The following IRX1 variants were observed in gnomAD, a reference collection of about 807,000 sequenced individuals.
IRX1 encodes iroquois homeobox 1.
A neutral mutation model predicts 34.1 loss-of-function variants in IRX1; 22 were observed. The observed-to-expected ratio is 0.64, with a 90% CI of 0.46 to 0.92. The LOEUF is 0.92. Among genes scored for constraint, IRX1 ranks in the 40% least tolerant of loss-of-function variants. IRX1 has a pLI of 0.00. For missense variants in IRX1, 758 were observed against 680.0 expected, an observed-to-expected ratio of 1.11 and a Z score of -1.28; for synonymous variants, 363 against 319.0, an observed-to-expected ratio of 1.14 and a Z score of -1.47.
Position 3,596,353 on chromosome 5 carries a change from C to A in IRX1, c.248C>A (p.Ala83Asp). Reference protein sequence around the residue: ...APNYSAFLPYAADLSLFSQMG... With the variant: ...APNYSAFLPYDADLSLFSQMG... ...AACTACAGCGCCTTCCTGCCCTACG[C>A]CGCGGATCTCAGCCTCTTCTCGCAG... The change falls in exon 1 of 4, where the codon GCC (alanine) becomes GAC (aspartate). Residue 83 changes from alanine to aspartate, a missense_variant. This residue lies in a region of IRX1 where 195 missense variants were observed against 195.0 expected (regional missense o/e 1.00). Transcript: ENST00000302006. The A allele has an allele frequency of 6.5e-7, 1 of 1,539,570 alleles. No individual in the cohort carries two copies. Among genetic ancestry groups the A allele is most frequent in the Non-Finnish European group, 8.7e-7 (1 of 1,147,668 alleles).
chr5:3,599,986 C>T lies in IRX1; in HGVS notation c.1038C>T (p.Pro346=), dbSNP rs1159585006. The T allele has an allele frequency of 5.9e-6, 9 of 1,515,982 alleles. No homozygotes were observed. Among genetic ancestry groups the T allele is most frequent in the Non-Finnish European group, 8.0e-6 (9 of 1,126,772 alleles). 93.9% of individuals were successfully genotyped at this position (1,515,982 alleles called of 1,614,324 possible). The change falls in exon 2 of 4, where the codon CCC becomes CCT. Residue 346 remains proline (P), a synonymous_variant. Coordinates refer to ENST00000302006, the MANE Select transcript of IRX1 (RefSeq NM_024337.4). This position sits in a 1 kb window ranked among gnomAD's most constrained non-coding sequence, Gnocchi z 6.6. The part of the protein sequence containing the change: ...PPAGHPGAHG[P]SAGAPLQHPA... ...CGGGCCACCCCGGCGCGCACGGGCCCTCCGCCGGGGCGCCGCTGCAACACC... is the reference window on the plus strand; with the variant it reads ...CGGGCCACCCCGGCGCGCACGGGCCTTCCGCCGGGGCGCCGCTGCAACACC...
rs926476733 is a variant in IRX1 at position 3,600,327 on chromosome 5, G to T, written c.1312+67G>T. Reference sequence around the variant, plus strand: ...TGCAGAGGCCTGGCTAGGTGTGGTAGCGTGGGGTGCAGCATGAGCCGGGAG... The same window carrying T: ...TGCAGAGGCCTGGCTAGGTGTGGTATCGTGGGGTGCAGCATGAGCCGGGAG... On this transcript the variant is annotated intron_variant, in intron 2 of 3. Coordinates refer to ENST00000302006, the MANE Select transcript of IRX1 (RefSeq NM_024337.4). 36 of 1,404,532 alleles carry T rather than the reference G, an allele frequency of 2.6e-5. No individual in the cohort carries two copies. In the African/African-American group the frequency reaches 4.5e-4, roughly 17 times the overall value. The allele number at this position is 1,404,532 out of a possible 1,614,324, so 87.0% of individuals were successfully genotyped here. A position where few individuals can be genotyped will look rare whatever the true frequency, so the allele number is the denominator to read the frequency against.
At position 3,601,301 on chromosome 5, in the gene IRX1, T is replaced by C; in HGVS notation, c.*261T>C. 1 of 543,412 alleles carries C rather than the reference T, an allele frequency of 1.8e-6. No individual in the cohort carries two copies. The allele number at this position is 543,412 out of a possible 1,614,324, so 33.7% of individuals were successfully genotyped here. Reference sequence around the variant, plus strand: ...AATGCCCCCACGTGCTTGTGTCTCTTTCCCCCCTTTTCTGTATATAGAGTG... The same window carrying C: ...AATGCCCCCACGTGCTTGTGTCTCTCTCCCCCCTTTTCTGTATATAGAGTG... On this transcript the variant is annotated 3_prime_UTR_variant, in exon 4 of 4. Coordinates refer to ENST00000302006, the MANE Select transcript of IRX1 (RefSeq NM_024337.4).
At chr5:3,600,718 T>G (rs770598517) in intron 3 of IRX1, 37 bp downstream of exon 3, 15 of 1,289,984 alleles carry the variant, frequency 1.2e-5, no homozygotes, top group African/African-American at 3.3e-5. Context: ...GAGAAGGCGG[T>G]GGGGAGGGGG....
chr5:3,599,302 C>T lies in IRX1; in HGVS notation c.354C>T (p.Tyr118=), dbSNP rs780267542. 3.7e-6 allele frequency: 6 copies of T among 1,614,068 alleles called. No homozygotes were observed. Among genetic ancestry groups the T allele is most frequent in the Non-Finnish European group, 5.1e-6 (6 of 1,180,028 alleles). Residue 118 remains tyrosine, a synonymous_variant, in exon 2 of 4, where the codon TAC becomes TAT. Coordinates refer to ENST00000302006, the MANE Select transcript of IRX1 (RefSeq NM_024337.4). The surrounding 1 kb of genome is among the most constrained non-coding windows in gnomAD (Gnocchi z 6.6). ...TFAAHTAPAY[Y]PYGQFQYGDP... The stretch of plus-strand genomic sequence containing the variant: ...CAGCCCACACGGCGCCGGCTTATTA[C>T]CCCTACGGCCAGTTCCAATACGGGG...
At chr5:3,600,748 C>G in intron 3 of IRX1, 67 bp downstream of exon 3, 3 of 1,447,452 alleles carry the variant, frequency 2.1e-6, no homozygotes, top group Non-Finnish European at 2.9e-6. Flanking sequence ...TGGTCGGGAC[C>G]CGGGCGGAGC....
intron 2 of IRX1, 27 bp from the exon 3 acceptor site, chr5:3,600,582 A>G (rs772683302): frequency 1.6e-5 from 26 of 1,601,340 alleles, no homozygotes; most frequent in Middle Eastern, 1.7e-4. Context: ...TCTCCGTCCT[A>G]ACTCTGCCTC....
rs1013534420 is a variant in IRX1, at chr5:3,599,707, C to A, written c.759C>A (p.His253Gln). The A allele has an allele frequency of 6.2e-7, 1 of 1,612,830 alleles. No homozygotes were observed. Among genetic ancestry groups the A allele is most frequent in the Non-Finnish European group, 8.5e-7 (1 of 1,179,998 alleles). ...EDDEDKAEAP[H>Q]APAAPSALAR... The stretch of plus-strand genomic sequence containing the variant: ...ACGAGGACAAGGCCGAGGCTCCGCA[C>A]GCGCCCGCAGCCCCTTCTGCTCTTG... The change falls in exon 2 of 4, where the codon CAC becomes CAA. Residue 253 changes from histidine (H) to glutamine (Q), a missense_variant. Around this residue, in one of 3 missense-constraint regions of IRX1, gnomAD observed 529 missense variants for 418.8 expected, o/e 1.26. Coordinates refer to ENST00000302006, the MANE Select transcript of IRX1 (RefSeq NM_024337.4). This position sits in a 1 kb window ranked among gnomAD's most constrained non-coding sequence, Gnocchi z 6.6.
In IRX1 at chr5:3,599,174, C is replaced by G; in HGVS notation, c.277-51C>G. ...TGTCTCTCTCTCTCTCTCCCTTTCT[C>G]TCTCCACTTCCCTCCTCTCTCTCCT... On this transcript the variant is annotated intron_variant, in intron 1 of 3. Coordinates refer to ENST00000302006, the MANE Select transcript of IRX1 (RefSeq NM_024337.4). The surrounding 1 kb of genome is among the most constrained non-coding windows in gnomAD (Gnocchi z 6.6). The G allele has an allele frequency of 6.5e-7, 1 of 1,540,118 alleles. No individual in the cohort carries two copies. Among genetic ancestry groups the G allele is most frequent in the Non-Finnish European group, 8.8e-7 (1 of 1,131,260 alleles).
Position 3,600,077 on chromosome 5 carries a change from A to G in IRX1, c.1129A>G (p.Ser377Gly), listed in dbSNP as rs760659435. ...CGGCAAGTTCTCCAACTGGACCAAC[A>G]GCGCATTCCTCGCACAGGGCTCCCT... ...HIGKFSNWTN[S>G]AFLAQGSLLN... The change falls in exon 2 of 4, where the codon AGC (serine) becomes GGC (glycine). Residue 377 changes from serine to glycine, a missense_variant. Coordinates refer to ENST00000302006, the MANE Select transcript of IRX1 (RefSeq NM_024337.4). 2.7e-5 allele frequency: 43 copies of G among 1,612,408 alleles called. No homozygotes were observed. Among genetic ancestry groups the G allele is most frequent in the Non-Finnish European group, 3.5e-5 (41 of 1,179,436 alleles).
In IRX1 at chr5:3,596,166, G is replaced by T. The variant is rs1359957447; in HGVS notation, c.61G>T (p.Gly21Cys). 9.7e-7 allele frequency: 1 copy of T among 1,029,686 alleles called. No homozygotes were observed. The highest frequency in any genetic ancestry group is 1.2e-6 in the Non-Finnish European group (1 of 860,928). The allele number at this position is 1,029,686 out of a possible 1,614,324, so 63.8% of individuals were successfully genotyped here. A position where few individuals can be genotyped will look rare whatever the true frequency, so the allele number is the denominator to read the frequency against. The change falls in exon 1 of 4, where the codon GGC becomes TGC. Residue 21 changes from glycine to cysteine, a missense_variant. By Grantham distance (159) the Gly-to-Cys change is radical. Coordinates refer to ENST00000302006, the MANE Select transcript of IRX1 (RefSeq NM_024337.4). ...GAGCGCCGCGGGGCCGGGCGCCTACGGCGGCGAGCGCCCGGGGGTGCTGGC... is the reference window on the plus strand; with the variant it reads ...GAGCGCCGCGGGGCCGGGCGCCTACTGCGGCGAGCGCCCGGGGGTGCTGGC... Reference protein sequence around the residue: ...YLSAAGPGAYGGERPGVLAAA... With the variant: ...YLSAAGPGAYCGERPGVLAAA...
At chr5:3,598,243 A>G (rs889194405) in intron 1 of IRX1, among the ~76,000 whole-genome samples, 18 of 152,256 alleles carry the variant, frequency 1.2e-4, no homozygotes, top group Non-Finnish European at 2.4e-4. Context: ...TGAGGTTGTT[A>G]GAAAGATAAA....
In IRX1 at chr5:3,600,201, T is replaced by C; in HGVS notation, c.1253T>C (p.Ile418Thr). ...APPPPQPPVAIAPGALNGDKA... is the reference protein window; with the variant it reads ...APPPPQPPVATAPGALNGDKA... Reference sequence around the variant, plus strand: ...CCACCACCGCAGCCGCCGGTCGCTATTGCCCCGGGGGCACTCAATGGAGAC... The same window carrying C: ...CCACCACCGCAGCCGCCGGTCGCTACTGCCCCGGGGGCACTCAATGGAGAC... Residue 418 changes from isoleucine to threonine, a missense_variant, in exon 2 of 4, where the codon ATT becomes ACT. By Grantham distance (89) the Ile-to-Thr change is moderately conservative (BLOSUM62 -1). Around this residue, in one of 3 missense-constraint regions of IRX1, gnomAD observed 529 missense variants for 418.8 expected, o/e 1.26. Coordinates refer to ENST00000302006, the MANE Select transcript of IRX1 (RefSeq NM_024337.4). The C allele has an allele frequency of 6.2e-7, 1 of 1,611,706 alleles. No individual in the cohort carries two copies. The highest frequency in any genetic ancestry group is 1.1e-5 in the South Asian group (1 of 90,970).
intron 1 of IRX1, among the ~76,000 whole-genome samples, chr5:3,598,930 A>T (rs1442475396): frequency 6.6e-6 from 1 of 152,102 alleles, no homozygotes; most frequent in Non-Finnish European, 1.5e-5. Context: ...TGGAGAGTGC[A>T]CTGTTTGTGG....
rs1561022856 is a variant in IRX1, at chr5:3,595,973, AGC to A, written c.-128_-127del. 7.0e-6 allele frequency: 3 copies of A among 425,926 alleles called. No homozygotes were observed. In the South Asian group the frequency reaches 3.0e-4, roughly 42 times the overall value. The allele number at this position is 425,926 out of a possible 1,614,324, so 26.4% of individuals were successfully genotyped here. On this transcript the variant is annotated 5_prime_UTR_variant, in exon 1 of 4. Coordinates refer to ENST00000302006, the MANE Select transcript of IRX1 (RefSeq NM_024337.4). ...CGGCCTCCATCTCCCGGCCCGCCCG[AGC>A]GCGCCCGGCCGGCCGCCCGCTCCTC...
In IRX1 at chr5:3,599,981, G is replaced by T. The variant is rs767434459; in HGVS notation, c.1033G>T (p.Gly345Trp). Residue 345 changes from glycine (G) to tryptophan (W), a missense_variant, in exon 2 of 4, where the codon GGG becomes TGG. Coordinates refer to ENST00000302006, the MANE Select transcript of IRX1 (RefSeq NM_024337.4). The surrounding 1 kb of genome is among the most constrained non-coding windows in gnomAD (Gnocchi z 6.6). ...ACCCGCGGGCCACCCCGGCGCGCAC[G>T]GGCCCTCCGCCGGGGCGCCGCTGCA... ...PPPAGHPGAHGPSAGAPLQHP... is the reference protein window; with the variant it reads ...PPPAGHPGAHWPSAGAPLQHP... 1 of 1,511,798 alleles carries T rather than the reference G, an allele frequency of 6.6e-7. No homozygotes were observed. Among genetic ancestry groups the T allele is most frequent in the Non-Finnish European group, 8.9e-7 (1 of 1,125,216 alleles). The allele number at this position is 1,511,798 out of a possible 1,614,324, so 93.6% of individuals were successfully genotyped here. A position where few individuals can be genotyped will look rare whatever the true frequency, so the allele number is the denominator to read the frequency against.
Position 3,599,542 on chromosome 5 carries a change from G to C in IRX1, c.594G>C (p.Lys198Asn). 1 of 1,614,196 alleles carries C rather than the reference G, an allele frequency of 6.2e-7. No homozygotes were observed. The highest frequency in any genetic ancestry group is 8.5e-7 in the Non-Finnish European group (1 of 1,180,040). ...AGGTGACATGGGGAGCGCGCAGCAA[G>C]GACCAGGAAGATGGAGCGCTCTTCG... ...ENKVTWGARSKDQEDGALFGS... is the reference protein window; with the variant it reads ...ENKVTWGARSNDQEDGALFGS... Residue 198 changes from lysine to asparagine, a missense_variant, in exon 2 of 4, where the codon AAG becomes AAC. By Grantham distance (94) the Lys-to-Asn change is moderately conservative (BLOSUM62 0). Around this residue, in one of 3 missense-constraint regions of IRX1, gnomAD observed 529 missense variants for 418.8 expected, o/e 1.26. Transcript: ENST00000302006. The surrounding 1 kb of genome is among the most constrained non-coding windows in gnomAD (Gnocchi z 6.6).
In IRX1 at chr5:3,599,884, C is replaced by G; in HGVS notation, c.936C>G (p.Gly312=). Residue 312 remains glycine (G), a synonymous_variant, in exon 2 of 4, where the codon GGC becomes GGG. Coordinates refer to ENST00000302006, the MANE Select transcript of IRX1 (RefSeq NM_024337.4). This position sits in a 1 kb window ranked among gnomAD's most constrained non-coding sequence, Gnocchi z 6.6. ...GCGGCCTGCAGGGTGCGCCGCACGG[C>G]AAGCCCAAGATCTGGTCGCTGGCGG... The part of the protein sequence containing the change: ...AAGGLQGAPH[G]KPKIWSLAET... 2 of 1,496,266 alleles carry G rather than the reference C, an allele frequency of 1.3e-6. No homozygotes were observed. The highest frequency in any genetic ancestry group is 1.3e-5 in the South Asian group (1 of 75,526). 92.7% of individuals were successfully genotyped at this position (1,496,266 alleles called of 1,614,324 possible). A position where few individuals can be genotyped will look rare whatever the true frequency, so the allele number is the denominator to read the frequency against.
chr5:3,597,909 A>G (rs568646558), intron 1 of IRX1, among the ~76,000 whole-genome samples: 2 of 152,156 alleles, frequency 1.3e-5, no homozygotes, highest in Non-Finnish European at 2.9e-5. Flanking sequence ...GTTGTGTGCC[A>G]TTTGGGAACC....
Sources: allele counts gnomAD v4.1 joint callset (sites outside exome capture counted in the v4.1 genomes callset), GRCh38; gene constraint gnomAD v4.1.1; regional missense constraint gnomAD v4.1.1; non-coding constraint Gnocchi (gnomAD v3.1); transcripts MANE v1.5; gene names NCBI Gene and HGNC (gene_info 2026-07-23, HGNC 2026-07-21).